Variants in SLC9D1 observed in about 807,000 individuals in gnomAD.
The protein encoded by SLC9D1 is solute carrier family 9 member D1.
chr13:113,500,989 T>G, the SLC9D1 span, among the ~76,000 whole-genome samples: 1 of 152,078 alleles, frequency 6.6e-6, no homozygotes, highest in South Asian at 2.1e-4. Context: ...CAGGGAGAGA[T>G]TTTGAGACTG....
At chr13:113,524,242 G>C in the SLC9D1 span, 1 of 447,216 alleles carries the variant, frequency 2.2e-6, no homozygotes, top group South Asian at 1.6e-5. Context: ...AGTTCAATCA[G>C]CTTTTGCTCT....
At chr13:113,534,904 AC>A in the SLC9D1 span, 1 of 151,928 alleles carries the variant, frequency 6.6e-6, no homozygotes. Context: ...ACATGATGAA[AC>A]CCCGTCTCTA....
the SLC9D1 span, chr13:113,505,663 T>C: frequency 6.6e-6 from 1 of 152,264 alleles, no homozygotes; most frequent in South Asian, 2.1e-4. Context: ...TGATGACTTC[T>C]GGTTTCTTCT....
chr13:113,535,618 C>T, the SLC9D1 span, among the ~76,000 whole-genome samples: 7 of 152,212 alleles, frequency 4.6e-5, no homozygotes, highest in Non-Finnish European at 4.4e-5. The surrounding 1 kb of genome is among the most constrained non-coding windows in gnomAD (Gnocchi z 4.1). Flanking sequence ...CGCCACCCAG[C>T]AGTAAAACCA....
At chr13:113,512,414 G>A in the SLC9D1 span, among the ~76,000 whole-genome samples, 1 of 149,220 alleles carries the variant, frequency 6.7e-6, no homozygotes, top group African/African-American at 2.5e-5. Flanking sequence ...GAGGGTTGGA[G>A]TGTAGATGGA....
the SLC9D1 span, among the ~76,000 whole-genome samples, chr13:113,537,465 C>G: frequency 1.3e-5 from 2 of 152,254 alleles, no homozygotes; most frequent in Admixed American, 1.3e-4. Flanking sequence ...GCCGTGCGCA[C>G]CAGCACTTCG....
At chr13:113,497,995 T>C in the SLC9D1 span, among the ~76,000 whole-genome samples, 4 of 152,250 alleles carry the variant, frequency 2.6e-5, no homozygotes, top group Non-Finnish European at 5.9e-5. Flanking sequence ...GTCTCACATC[T>C]GGTTTTAAAG....
At chr13:113,521,122 G>A in the SLC9D1 span, among the ~76,000 whole-genome samples, 869 of 152,242 alleles carry the variant, frequency 5.7e-3, 7 homozygotes, top group African/African-American at 0.015. Flanking sequence ...GAGTATCTGT[G>A]TGTGTGTGTG....
At chr13:113,531,107 CA>C in the SLC9D1 span, among the ~76,000 whole-genome samples, 1 of 152,244 alleles carries the variant, frequency 6.6e-6, no homozygotes, top group South Asian at 2.1e-4. Flanking sequence ...CTGCCACCAT[CA>C]GTGGACCCAC....
chr13:113,520,274 A>G, the SLC9D1 span, among the ~76,000 whole-genome samples: 1 of 152,174 alleles, frequency 6.6e-6, no homozygotes, highest in Non-Finnish European at 1.5e-5. Context: ...TCACAAGGTC[A>G]GGAGTTTGAG....
the SLC9D1 span, among the ~76,000 whole-genome samples, chr13:113,491,680 T>A: frequency 1.3e-5 from 2 of 152,176 alleles, no homozygotes; most frequent in East Asian, 3.9e-4. Context: ...CGTTCTAACC[T>A]GGAATGGAAC....
At chr13:113,498,655 G>A in the SLC9D1 span, 43 of 681,330 alleles carry the variant, frequency 6.3e-5, no homozygotes, top group Non-Finnish European at 8.8e-5. Flanking sequence ...CTTCTCTGTC[G>A]TAGAGAAAAT....
At chr13:113,524,545 G>A in the SLC9D1 span, among the ~76,000 whole-genome samples, 1 of 151,960 alleles carries the variant, frequency 6.6e-6, no homozygotes, top group African/African-American at 2.4e-5. Flanking sequence ...CATGTTGGCC[G>A]GGCCAGTCTC....
chr13:113,502,576 C>G, the SLC9D1 span, among the ~76,000 whole-genome samples: 1 of 152,210 alleles, frequency 6.6e-6, no homozygotes, highest in Non-Finnish European at 1.5e-5. Context: ...CCAGTCGAGG[C>G]AGTGGGCAGT....
At chr13:113,510,776 C>G in the SLC9D1 span, among the ~76,000 whole-genome samples, 4 of 152,238 alleles carry the variant, frequency 2.6e-5, no homozygotes, top group Admixed American at 2.6e-4. Flanking sequence ...TGCTTTAATT[C>G]TAGCAGGCAC....
chr13:113,521,093 G>A, the SLC9D1 span, among the ~76,000 whole-genome samples: 5 of 152,142 alleles, frequency 3.3e-5, no homozygotes, highest in African/African-American at 4.8e-5. Flanking sequence ...GTATGCATGT[G>A]TATGTGTGCA....
chr13:113,530,186 C>T, the SLC9D1 span: 2 of 152,168 alleles, frequency 1.3e-5, no homozygotes, highest in Non-Finnish European at 2.9e-5. Context: ...GGATGAATTA[C>T]TGGTTGCCGG....
chr13:113,525,184 A>G, the SLC9D1 span, among the ~76,000 whole-genome samples: 3 of 152,232 alleles, frequency 2.0e-5, no homozygotes, highest in African/African-American at 7.2e-5. Flanking sequence ...CACGCGCTGC[A>G]TAATGACATT....
the SLC9D1 span, chr13:113,500,205 A>G: frequency 1.7e-6 from 2 of 1,175,374 alleles, no homozygotes; most frequent in Non-Finnish European, 2.3e-6. Flanking sequence ...TCATGGTGTC[A>G]GTATGACCGA....
Sources: allele counts gnomAD v4.1 joint callset (sites outside exome capture counted in the v4.1 genomes callset), GRCh38; gene constraint gnomAD v4.1.1; non-coding constraint Gnocchi (gnomAD v3.1); transcripts MANE v1.5; gene names NCBI Gene and HGNC (gene_info 2026-07-23, HGNC 2026-07-21).